CCDC85A: variants seen among roughly 807,000 people sequenced by gnomAD.
The protein encoded by CCDC85A is coiled-coil domain-containing protein 85A.
Under a neutral mutation model 50.2 loss-of-function variants are expected in CCDC85A, and 38 were observed. The ratio of observed to expected loss-of-function variants is 0.76; its 90% CI spans 0.58 to 0.99. The LOEUF is 0.99. CCDC85A is among the 50% of genes least tolerant of loss of function. The pLI, the probability that CCDC85A is intolerant of heterozygous loss-of-function variation, is 0.00. For synonymous variants in CCDC85A, 366 were observed against 301.4 expected, an observed-to-expected ratio of 1.21 and a Z score of -2.22; for missense variants, 820 against 742.0, an observed-to-expected ratio of 1.11 and a Z score of -1.22.
At chr2:56,323,072 C>T (rs192188557) in intron 2 of CCDC85A, among the ~76,000 whole-genome samples, 5 of 152,158 alleles carry the variant, frequency 3.3e-5, no homozygotes, top group Admixed American at 2.6e-4. Flanking sequence ...CATGTTCTCA[C>T]TCATAGGTGG....
intron 2 of CCDC85A, among the ~76,000 whole-genome samples, chr2:56,329,144 C>G (rs929893535): frequency 1.3e-4 from 20 of 152,142 alleles, no homozygotes; most frequent in Admixed American, 1.1e-3. Context: ...GCATTTCAGC[C>G]ACTACTCTTC....
chr2:56,259,113 G>A (rs1449864329), intron 2 of CCDC85A, among the ~76,000 whole-genome samples: 1 of 152,182 alleles, frequency 6.6e-6, no homozygotes, highest in East Asian at 1.9e-4. Context: ...GAGGAGCCGT[G>A]CTGTGCTGAC....
Position 56,192,741 on chromosome 2 carries a change from G to A in CCDC85A, c.541G>A (p.Ala181Thr), listed in dbSNP as rs776813267. The A allele has an allele frequency of 1.2e-5, 20 of 1,613,014 alleles. No individual in the cohort carries two copies. The highest frequency in any genetic ancestry group is 6.7e-5 in the East Asian group (3 of 44,882). Reference sequence around the variant, plus strand: ...AGATGAGGAGAAGGGTGCAGGCTGCGCAGGCAGCCGCTGCTCCATCGACAG... The same window carrying A: ...AGATGAGGAGAAGGGTGCAGGCTGCACAGGCAGCCGCTGCTCCATCGACAG... Reference protein sequence around the residue: ...LLDEEKGAGCAGSRCSIDSQA... With the variant: ...LLDEEKGAGCTGSRCSIDSQA... Residue 181 changes from alanine to threonine, a missense_variant, in exon 2 of 6, where the codon GCA becomes ACA. Physicochemically the swap from Ala to Thr is moderately conservative, Grantham distance 58. Transcript: ENST00000407595. The surrounding 1 kb of genome is among the most constrained non-coding windows in gnomAD (Gnocchi z 4.7).
chr2:56,353,103 G>T (rs1449310984), intron 3 of CCDC85A, among the ~76,000 whole-genome samples: 1 of 151,980 alleles, frequency 6.6e-6, no homozygotes, highest in Non-Finnish European at 1.5e-5. Context: ...CATCGTGGGG[G>T]GTTACTCTAC....
chr2:56,302,433 G>A (rs1672253299), intron 2 of CCDC85A, among the ~76,000 whole-genome samples: 1 of 152,106 alleles, frequency 6.6e-6, no homozygotes, highest in Non-Finnish European at 1.5e-5. Flanking sequence ...AGCTCAAGGG[G>A]AAAGCCACTG....
rs892625561 is a variant in CCDC85A, at chr2:56,385,325, T to C, written c.*970T>C. ...TTTGCCTACTGCAGCTATCTAACAT[T>C]TTATGAAACTGACGCATGTCCTTCA... On this transcript the variant is annotated 3_prime_UTR_variant, in exon 6 of 6. Transcript: ENST00000407595. The C allele has an allele frequency of 8.5e-5, 13 of 152,412 alleles. No homozygotes were observed. Among genetic ancestry groups the C allele is most frequent in the African/African-American group, 2.9e-4 (12 of 41,536 alleles). 9.4% of individuals were successfully genotyped at this position (152,412 alleles called of 1,614,324 possible). A position where few individuals can be genotyped will look rare whatever the true frequency, so the allele number is the denominator to read the frequency against.
chr2:56,312,610 C>G (rs4141566), intron 2 of CCDC85A, among the ~76,000 whole-genome samples: 43,727 of 151,946 alleles, frequency 0.29, 6,631 homozygotes, highest in East Asian at 0.54. Flanking sequence ...ATCTGTGATA[C>G]CTATAATACC....
intron 1 of CCDC85A, among the ~76,000 whole-genome samples, chr2:56,186,201 CT>C (rs1308316524): frequency 2.6e-5 from 4 of 152,166 alleles, no homozygotes; most frequent in African/African-American, 9.7e-5. Flanking sequence ...CCAAGGCTTA[CT>C]CTCTCCTGTG....
At chr2:56,308,737 A>G (rs1255175103) in intron 2 of CCDC85A, among the ~76,000 whole-genome samples, 1 of 152,186 alleles carries the variant, frequency 6.6e-6, no homozygotes, top group Non-Finnish European at 1.5e-5. Context: ...TTGAAAGTCC[A>G]CCTGGCCCGA....
chr2:56,204,101 G>C (rs1169526521), intron 2 of CCDC85A, among the ~76,000 whole-genome samples: 1 of 152,056 alleles, frequency 6.6e-6, no homozygotes, highest in Non-Finnish European at 1.5e-5. Flanking sequence ...GATTTCACAG[G>C]TAAATAAAAC....
chr2:56,370,635 T>C (rs1017287823), intron 3 of CCDC85A, among the ~76,000 whole-genome samples: 2 of 152,170 alleles, frequency 1.3e-5, no homozygotes, highest in Non-Finnish European at 2.9e-5. Context: ...ATGTAGTATC[T>C]ACTTTCTGAA....
At chr2:56,349,948 T>C (rs754750430) in intron 3 of CCDC85A, among the ~76,000 whole-genome samples, 2 of 152,046 alleles carry the variant, frequency 1.3e-5, no homozygotes, top group Non-Finnish European at 1.5e-5. Context: ...TTTGGCTATA[T>C]AGTAATATCA....
At chr2:56,303,514 A>G (rs1334322012) in intron 2 of CCDC85A, among the ~76,000 whole-genome samples, 1 of 152,118 alleles carries the variant, frequency 6.6e-6, no homozygotes, top group Non-Finnish European at 1.5e-5. Flanking sequence ...TTGAACCCTG[A>G]ACCTGGTAGA....
intron 2 of CCDC85A, among the ~76,000 whole-genome samples, chr2:56,230,354 A>G (rs1668724697): frequency 6.6e-6 from 1 of 152,308 alleles, no homozygotes; most frequent in African/African-American, 2.4e-5. Context: ...AAGTACAAGC[A>G]GTTATATTTT....
At chr2:56,312,527 T>C (rs1386346425) in intron 2 of CCDC85A, among the ~76,000 whole-genome samples, 1 of 152,250 alleles carries the variant, frequency 6.6e-6, no homozygotes, top group East Asian at 1.9e-4. Flanking sequence ...TTTTGAAGAA[T>C]AACTTTACTA....
intron 5 of CCDC85A, among the ~76,000 whole-genome samples, chr2:56,380,261 C>T (rs975682409): frequency 6.6e-6 from 1 of 152,058 alleles, no homozygotes; most frequent in African/African-American, 2.4e-5. Flanking sequence ...TGGAAAAAAT[C>T]GCCACCTTAC....
intron 2 of CCDC85A, among the ~76,000 whole-genome samples, chr2:56,237,030 A>G (rs1669050240): frequency 6.6e-6 from 1 of 152,134 alleles, no homozygotes; most frequent in Admixed American, 6.6e-5. Flanking sequence ...CAGTTGGTTA[A>G]CTAATCTGTG....
intron 2 of CCDC85A, among the ~76,000 whole-genome samples, chr2:56,218,345 A>G (rs2216324): frequency 0.38 from 57,244 of 151,670 alleles, 12,327 homozygotes; most frequent in East Asian, 0.58. Context: ...TAACCTTTTA[A>G]TTTTGCCAAT....
At chr2:56,362,281 GC>G (rs1265699114) in intron 3 of CCDC85A, among the ~76,000 whole-genome samples, 2 of 152,128 alleles carry the variant, frequency 1.3e-5, no homozygotes, top group African/African-American at 4.8e-5. Context: ...GTTAGGAGGT[GC>G]AGGGGAATCA....
Sources: allele counts gnomAD v4.1 joint callset (sites outside exome capture counted in the v4.1 genomes callset), GRCh38; gene constraint gnomAD v4.1.1; non-coding constraint Gnocchi (gnomAD v3.1); transcripts MANE v1.5; gene names NCBI Gene and HGNC (gene_info 2026-07-23, HGNC 2026-07-21).